CEP350: variants seen among roughly 807,000 people sequenced by gnomAD.
The protein encoded by CEP350 is centrosome-associated protein 350.
A neutral mutation model predicts 331.8 loss-of-function variants in CEP350; 126 were observed. The observed-to-expected ratio is 0.38, with a 90% CI of 0.33 to 0.44. The LOEUF is 0.44. Ranked by LOEUF, CEP350 falls within the 20% of genes least tolerant of loss-of-function variation. The pLI, the probability that CEP350 is intolerant of heterozygous loss-of-function variation, is 1.00. For synonymous variants in CEP350, 1,200 were observed against 1,259.5 expected (o/e 0.95, Z 1.00); for missense variants, 3,406 against 3,634.6 (o/e 0.94, Z 1.62).
chr1:180,058,724 T>A (rs1054188601), intron 25 of CEP350, among the ~76,000 whole-genome samples: 1 of 152,224 alleles, frequency 6.6e-6, no homozygotes, highest in African/African-American at 2.4e-5. Flanking sequence ...AAGAATTTTT[T>A]AAGTAAATAT....
chr1:180,043,929 G>A, intron 20 of CEP350, 122 bp from the exon 21 acceptor site: 2 of 849,210 alleles, frequency 2.4e-6, no homozygotes, highest in Non-Finnish European at 3.4e-6. Flanking sequence ...TTAATGTGTT[G>A]TAAGTTATTT....
chr1:180,036,836 G>A, intron 16 of CEP350, 90 bp from the exon 17 acceptor site: 1 of 1,381,660 alleles, frequency 7.2e-7, no homozygotes, highest in Non-Finnish European at 9.5e-7. Flanking sequence ...GGAAAGCAAA[G>A]TTGATTTTGG....
At chr1:180,006,862 G>A (rs1479975115) in intron 8 of CEP350, among the ~76,000 whole-genome samples, 1 of 152,104 alleles carries the variant, frequency 6.6e-6, no homozygotes, top group Non-Finnish European at 1.5e-5. Context: ...GCAGTGTTTG[G>A]TTTTCTGTTC....
chr1:180,017,069 G>A (rs926196048), intron 11 of CEP350, among the ~76,000 whole-genome samples: 8 of 152,084 alleles, frequency 5.3e-5, no homozygotes, highest in African/African-American at 1.4e-4. Flanking sequence ...TAAGTACTTT[G>A]CATATATTAT....
chr1:180,027,365 A>G (rs1266101587), intron 14 of CEP350, among the ~76,000 whole-genome samples: 2 of 152,080 alleles, frequency 1.3e-5, no homozygotes, highest in African/African-American at 4.8e-5. Flanking sequence ...ACAGAATACT[A>G]TTCTGTTTTG....
At chr1:180,045,647 A>G (rs1469668577) in intron 21 of CEP350, among the ~76,000 whole-genome samples, 1 of 152,166 alleles carries the variant, frequency 6.6e-6, no homozygotes, top group African/African-American at 2.4e-5. Flanking sequence ...CATGTAAACC[A>G]TCATCTGGAT....
chr1:180,080,731 G>T, intron 30 of CEP350, 70 bp downstream of exon 30: 1 of 1,370,160 alleles, frequency 7.3e-7, no homozygotes, highest in Admixed American at 1.7e-5. Context: ...AGGCTTCAAG[G>T]AGTTTGTTGA....
At chr1:179,974,159 A>C (rs1360526583) in intron 1 of CEP350, among the ~76,000 whole-genome samples, 1 of 151,512 alleles carries the variant, frequency 6.6e-6, no homozygotes, top group Non-Finnish European at 1.5e-5. Context: ...GGCTCACTGC[A>C]AGCTCTGCCT....
intron 22 of CEP350, among the ~76,000 whole-genome samples, chr1:180,050,914 A>G (rs1209233414): frequency 6.6e-6 from 1 of 152,178 alleles, no homozygotes; most frequent in Non-Finnish European, 1.5e-5. Flanking sequence ...GGTAACAAGG[A>G]TGCAGAGCAA....
intron 13 of CEP350, 69 bp from the exon 14 acceptor site, chr1:180,024,350 A>C (rs1571883399): frequency 7.2e-7 from 1 of 1,379,660 alleles, no homozygotes; most frequent in East Asian, 2.3e-5. Flanking sequence ...ATAGATTTTT[A>C]AATATCTTTA....
intron 37 of CEP350, among the ~76,000 whole-genome samples, chr1:180,107,435 G>A (rs558884649): frequency 1.3e-5 from 2 of 152,254 alleles, no homozygotes; most frequent in South Asian, 2.1e-4. Flanking sequence ...TTGGGAGGCC[G>A]GGGCAGATGG....
At chr1:180,054,590 T>C (rs1042878117) in intron 25 of CEP350, 88 bp downstream of exon 25, 13 of 912,910 alleles carry the variant, frequency 1.4e-5, no homozygotes, top group Non-Finnish European at 2.3e-5. Flanking sequence ...CTTTTCCTTA[T>C]CATTGCCTTA....
chr1:180,003,369 C>A, intron 7 of CEP350, 82 bp downstream of exon 7: 1 of 914,782 alleles, frequency 1.1e-6, no homozygotes, highest in Non-Finnish European at 1.6e-6. Flanking sequence ...AAAATTGTCA[C>A]CAAACTAACA....
chr1:179,972,644 ACAGGCACACG>A (rs1651537829), intron 1 of CEP350, among the ~76,000 whole-genome samples: 1 of 151,972 alleles, frequency 6.6e-6, no homozygotes, highest in African/African-American at 2.4e-5. Context: ...AGCTGGGATT[ACAGGCACACG>A]CCACCACACC....
At chr1:180,001,709 GC>G (rs1248553029) in intron 6 of CEP350, among the ~76,000 whole-genome samples, 9 of 152,166 alleles carry the variant, frequency 5.9e-5, no homozygotes, top group Non-Finnish European at 1.2e-4. Flanking sequence ...ACGGCAGCTT[GC>G]CCATTTGTTC....
intron 3 of CEP350, among the ~76,000 whole-genome samples, chr1:179,989,583 T>C (rs1282707497): frequency 6.6e-6 from 1 of 152,208 alleles, no homozygotes; most frequent in Non-Finnish European, 1.5e-5. Context: ...TTATATTGTT[T>C]CTGTTTTCCT....
intron 8 of CEP350, among the ~76,000 whole-genome samples, chr1:180,010,261 A>C (rs1654539509): frequency 6.6e-6 from 1 of 152,056 alleles, no homozygotes; most frequent in African/African-American, 2.4e-5. Context: ...TACTTCCGAT[A>C]CTATAAAAAT....
intron 7 of CEP350, among the ~76,000 whole-genome samples, chr1:180,004,954 T>TCTTTCTTTC (rs1558093312): frequency 6.2e-5 from 5 of 80,700 alleles, no homozygotes; most frequent in Admixed American, 1.8e-4. Flanking sequence ...TTTCTTTCTT[T>TCTTTCTTTC]CCCCTCTCTC....
rs140788173 is a variant in CEP350, at chr1:179,985,018, A to G, written c.-13-1151A>G. 8.6e-3 allele frequency among the ~76,000 whole-genome samples: 1,308 copies of G among 152,272 alleles called. 20 individuals carry two copies. Among genetic ancestry groups the G allele is most frequent in the African/African-American group, 0.03 (1,258 of 41,548 alleles). On this transcript the variant is annotated intron_variant, in intron 1 of 37. Coordinates refer to ENST00000367607, the MANE Select transcript of CEP350 (RefSeq NM_014810.5). ...TGGTAACATATACATAACAAAATTT[A>G]CCATTACAACCATTTCTTAAGTGTA...
Sources: allele counts gnomAD v4.1 joint callset (sites outside exome capture counted in the v4.1 genomes callset), GRCh38; gene constraint gnomAD v4.1.1; transcripts MANE v1.5; gene names NCBI Gene and HGNC (gene_info 2026-07-23, HGNC 2026-07-21).